KLHL29: variants seen among roughly 807,000 people sequenced by gnomAD.
KLHL29 encodes kelch-like protein 29.
In KLHL29, 21 loss-of-function variants were observed where a neutral mutation model predicts 80.4. That is an observed-to-expected ratio of 0.26 (90% CI 0.19 to 0.38). The LOEUF is 0.38. KLHL29 is among the 10% of genes least tolerant of loss of function. The pLI is 1.00. For missense variants in KLHL29, 867 were observed against 1,223.9 expected, an observed-to-expected ratio of 0.71 and a Z score of 4.35; for synonymous variants, 511 against 526.8, an observed-to-expected ratio of 0.97 and a Z score of 0.41.
chr2:23,459,065 G>C (rs747839596), intron 1 of KLHL29, among the ~76,000 whole-genome samples: 5 of 152,156 alleles, frequency 3.3e-5, no homozygotes, highest in Admixed American at 2.6e-4. Flanking sequence ...GAGGTATGTC[G>C]AGGGGTCATA....
At chr2:23,570,299 C>T (rs531888120) in intron 3 of KLHL29, among the ~76,000 whole-genome samples, 63 of 152,278 alleles carry the variant, frequency 4.1e-4, no homozygotes, top group African/African-American at 1.4e-3. Context: ...ACTTTGTACC[C>T]TTCTGGCACT....
chr2:23,654,227 C>T (rs1670169898), intron 5 of KLHL29, among the ~76,000 whole-genome samples: 1 of 152,018 alleles, frequency 6.6e-6, no homozygotes, highest in Admixed American at 6.6e-5. Flanking sequence ...GCCTGAACAC[C>T]TAGTCAGCTA....
intron 6 of KLHL29, 183 bp from the exon 7 acceptor site, chr2:23,691,491 C>T: frequency 1.7e-6 from 1 of 604,356 alleles, no homozygotes; most frequent in Non-Finnish European, 2.9e-6. Flanking sequence ...TTGGGCGTCT[C>T]TGGTCAGACT....
rs181750103 is a variant in KLHL29 at position 23,552,259 on chromosome 2, G to A, written c.-45-9893G>A. Among the ~76,000 whole-genome samples the A allele has an allele frequency of 5.5e-3, 844 of 152,322 alleles. 5 individuals are homozygous for A. The highest frequency in any genetic ancestry group is 9.5e-3 in the Non-Finnish European group (649 of 68,026). ...AAGGAAAACAAGGCAGGAGCAGAGC[G>A]CAGAAGAAACTTCTGGCCATGCTGG... On this transcript the variant is annotated intron_variant, in intron 2 of 13. Transcript: ENST00000486442.
At chr2:23,629,218 C>A (rs955738439) in intron 3 of KLHL29, among the ~76,000 whole-genome samples, 1 of 151,854 alleles carries the variant, frequency 6.6e-6, no homozygotes, top group African/African-American at 2.4e-5. Context: ...CCTGTCTGTC[C>A]GTCTGGGCCA....
intron 5 of KLHL29, among the ~76,000 whole-genome samples, chr2:23,662,958 TG>T (rs1424792606): frequency 1.3e-5 from 2 of 152,216 alleles, no homozygotes; most frequent in Non-Finnish European, 2.9e-5. Flanking sequence ...CTGTGTGGCC[TG>T]GGACCAGTGA....
At chr2:23,651,290 T>A (rs1250343446) in intron 5 of KLHL29, among the ~76,000 whole-genome samples, 6 of 152,216 alleles carry the variant, frequency 3.9e-5, no homozygotes, top group African/African-American at 1.4e-4. Flanking sequence ...CAAATGCTCC[T>A]TCCTTTTACA....
chr2:23,542,409 G>T (rs545866709), intron 2 of KLHL29, among the ~76,000 whole-genome samples: 26 of 152,292 alleles, frequency 1.7e-4, no homozygotes, highest in African/African-American at 6.3e-4. Context: ...GTCTGCTGGG[G>T]AAGCTCTCCC....
In KLHL29 at chr2:23,420,285, T is replaced by C. The variant is rs1410257107; in HGVS notation, c.-154+34505T>C. On this transcript the variant is annotated intron_variant, in intron 1 of 13. Coordinates refer to ENST00000486442, the MANE Select transcript of KLHL29 (RefSeq NM_052920.2). Reference sequence around the variant, plus strand: ...GGCCGTCCCTCGAAGCCCTGTTTCCTCTCCTTCCTTGCTGCGTCCACACCG... The same window carrying C: ...GGCCGTCCCTCGAAGCCCTGTTTCCCCTCCTTCCTTGCTGCGTCCACACCG... Among the ~76,000 whole-genome samples, 3 of 152,254 alleles carry C rather than the reference T, an allele frequency of 2.0e-5. No individual in the cohort carries two copies. The East Asian group carries it at 5.8e-4, about 29-fold the overall frequency.
intron 3 of KLHL29, among the ~76,000 whole-genome samples, chr2:23,625,271 T>G (rs1213560627): frequency 6.6e-6 from 1 of 152,198 alleles, no homozygotes; most frequent in Admixed American, 6.5e-5. Context: ...CTGTGATGTT[T>G]AGGAGCAAGC....
chr2:23,549,555 C>T (rs1173285671), intron 2 of KLHL29, among the ~76,000 whole-genome samples: 1 of 152,070 alleles, frequency 6.6e-6, no homozygotes, highest in African/African-American at 2.4e-5. Flanking sequence ...GTAGCAGCTC[C>T]CAACTTCAAA....
chr2:23,526,657 G>A (rs1023232055), intron 2 of KLHL29, among the ~76,000 whole-genome samples: 1 of 152,164 alleles, frequency 6.6e-6, no homozygotes, highest in African/African-American at 2.4e-5. Context: ...TGGGTCCAGA[G>A]CAGCACCTTT....
chr2:23,571,797 A>C (rs1667722678), intron 3 of KLHL29, among the ~76,000 whole-genome samples: 1 of 152,190 alleles, frequency 6.6e-6, no homozygotes, highest in African/African-American at 2.4e-5. Flanking sequence ...ACTGAACCAG[A>C]GCCTTGGTAC....
intron 1 of KLHL29, among the ~76,000 whole-genome samples, chr2:23,430,556 T>A (rs2103407943): frequency 6.6e-6 from 1 of 152,336 alleles, no homozygotes; most frequent in Middle Eastern, 3.4e-3. Context: ...GCCCTCCAGC[T>A]GGCCCAAAAG....
At chr2:23,514,666 G>T (rs1218502774) in intron 2 of KLHL29, among the ~76,000 whole-genome samples, 8 of 152,210 alleles carry the variant, frequency 5.3e-5, no homozygotes, top group Non-Finnish European at 1.2e-4. Flanking sequence ...AATGGATGAT[G>T]TTGCTTGATT....
At chr2:23,436,868 G>A (rs1028925619) in intron 1 of KLHL29, among the ~76,000 whole-genome samples, 18 of 152,234 alleles carry the variant, frequency 1.2e-4, no homozygotes, top group African/African-American at 1.7e-4. Flanking sequence ...TAGAAGCTGC[G>A]TCTGTTTATT....
In KLHL29 at chr2:23,452,592, C is replaced by T. The variant is rs145221390; in HGVS notation, c.-153-22968C>T. Among the ~76,000 whole-genome samples, 551 of 152,276 alleles carry T rather than the reference C, an allele frequency of 3.6e-3. 4 individuals are homozygous for T. The highest frequency in any genetic ancestry group is 0.013 in the African/African-American group (531 of 41,542). On this transcript the variant is annotated intron_variant, in intron 1 of 13. Coordinates refer to ENST00000486442, the MANE Select transcript of KLHL29 (RefSeq NM_052920.2). ...CCAGGTTCACTCATGCCATCAGCCCCGCCTTTGTGTCCTCAGTAATTTTTA... is the reference window on the plus strand; with the variant it reads ...CCAGGTTCACTCATGCCATCAGCCCTGCCTTTGTGTCCTCAGTAATTTTTA...
intron 2 of KLHL29, among the ~76,000 whole-genome samples, chr2:23,489,076 T>G (rs1269234402): frequency 6.6e-6 from 1 of 152,182 alleles, no homozygotes; most frequent in African/African-American, 2.4e-5. Flanking sequence ...AGGGGTAGTT[T>G]CCAACCCCAG....
chr2:23,518,501 TTGGG>T (rs1666005753), intron 2 of KLHL29, among the ~76,000 whole-genome samples: 1 of 152,122 alleles, frequency 6.6e-6, no homozygotes, highest in Non-Finnish European at 1.5e-5. Flanking sequence ...TGAGCCCCAT[TTGGG>T]CCTCTGCCTC....
Sources: allele counts gnomAD v4.1 joint callset (sites outside exome capture counted in the v4.1 genomes callset), GRCh38; gene constraint gnomAD v4.1.1; transcripts MANE v1.5; gene names NCBI Gene and HGNC (gene_info 2026-07-23, HGNC 2026-07-21).